The following RADIL variants were observed in gnomAD, a reference collection of about 807,000 sequenced individuals.
The protein encoded by RADIL is ras-associating and dilute domain-containing protein.
RADIL carries 99 observed loss-of-function variants against 97.6 expected under a neutral mutation model. The observed-to-expected ratio is 1.01, with a 90% confidence interval of 0.86 to 1.20. The LOEUF (loss-of-function observed/expected upper bound fraction) is 1.20. Among genes scored for constraint, RADIL ranks in the 50% most tolerant of loss-of-function variants. RADIL has a pLI of 0.00. For missense variants in RADIL, 1,765 were observed against 1,498.9 expected (o/e 1.18, Z -2.93); for synonymous variants, 803 against 691.8 (o/e 1.16, Z -2.52).
At position 4,877,996 on chromosome 7, in the gene RADIL, G is replaced by A. The variant is rs1352825474; in HGVS notation, c.144C>T (p.Ala48=). Residue 48 remains alanine (A), a synonymous_variant, in exon 2 of 15, where the codon GCC becomes GCT. Transcript: ENST00000399583. ...DLDSTFSSLG[A]SDDPAELSTQ... Reference sequence around the variant, plus strand: ...TGGAGAGCTCGGCGGGGTCATCGCTGGCGCCCAGGCTGGAGAAGGTGGAGT... The same window carrying A: ...TGGAGAGCTCGGCGGGGTCATCGCTAGCGCCCAGGCTGGAGAAGGTGGAGT... 1.2e-6 allele frequency: 2 copies of A among 1,609,150 alleles called. No homozygotes were observed. The highest frequency in any genetic ancestry group is 2.2e-5 in the South Asian group (2 of 90,802).
At position 4,803,709 on chromosome 7, in the gene RADIL, G is replaced by A; in HGVS notation, c.2336C>T (p.Pro779Leu). The part of the protein sequence containing the change: ...SYENPPPIVL[P>L]SDGFQVDLEA... ...CAAGTCCACCTGGAAGCCGTCGCTG[G>A]GCAGGACGATGGGTGGGGGGTTTTC... The change falls in exon 11 of 15, where the codon CCC (proline) becomes CTC (leucine). Residue 779 changes from proline (P) to leucine (L), a missense_variant. Coordinates refer to ENST00000399583, the MANE Select transcript of RADIL (RefSeq NM_018059.5). 1.3e-6 allele frequency: 2 copies of A among 1,568,136 alleles called. No individual in the cohort carries two copies. Among genetic ancestry groups the A allele is most frequent in the Non-Finnish European group, 1.7e-6 (2 of 1,157,208 alleles).
At position 4,874,772 on chromosome 7, in the gene RADIL, G is replaced by T. The variant is rs1335277066; in HGVS notation, c.535+2833C>A. Among the ~76,000 whole-genome samples, 4 of 149,834 alleles carry T rather than the reference G, an allele frequency of 2.7e-5. No homozygotes were observed. The East Asian group carries it at 7.7e-4, about 29-fold the overall frequency. On this transcript the variant is annotated intron_variant, in intron 2 of 14. Coordinates refer to ENST00000399583, the MANE Select transcript of RADIL (RefSeq NM_018059.5). ...GAATGATTCCAAAAGAAGTGCATGA[G>T]CTTGGCCGGGTGTGGTGGCTCACAC...
At chr7:4,801,586 G>T (rs1249623514) in intron 12 of RADIL, 67 bp downstream of exon 12, 18 of 1,484,592 alleles carry the variant, frequency 1.2e-5, no homozygotes, top group Non-Finnish European at 1.6e-5. Context: ...GATCCCAGGG[G>T]ACCGGCCATC....
rs1411404415 is a variant in RADIL, at chr7:4,837,700, C to T, written c.536-1095G>A. 2.2e-6 allele frequency: 1 copy of T among 462,746 alleles called. No homozygotes were observed. The highest frequency in any genetic ancestry group is 1.6e-4 in the East Asian group (1 of 6,440). 28.7% of individuals were successfully genotyped at this position (462,746 alleles called of 1,614,324 possible). A position where few individuals can be genotyped will look rare whatever the true frequency, so the allele number is the denominator to read the frequency against. On this transcript the variant is annotated intron_variant, in intron 2 of 14. Transcript: ENST00000399583. This position sits in a 1 kb window ranked among gnomAD's most constrained non-coding sequence, Gnocchi z 5.6. Reference sequence around the variant, plus strand: ...CCACACACATTAACACATACATGCACACAAACATGCGCACAGTTCAGAGAT... The same window carrying T: ...CCACACACATTAACACATACATGCATACAAACATGCGCACAGTTCAGAGAT...
intron 9 of RADIL, chr7:4,809,623 TCAA>T: frequency 1.0e-6 from 1 of 985,330 alleles, no homozygotes; most frequent in Non-Finnish European, 1.2e-6. Context: ...CTCCTTCAGC[TCAA>T]CCTGCCCTTT....
intron 12 of RADIL, among the ~76,000 whole-genome samples, chr7:4,801,408 T>C (rs924616187): frequency 6.6e-6 from 1 of 152,036 alleles, no homozygotes; most frequent in African/African-American, 2.4e-5. Flanking sequence ...CTAGACTCTC[T>C]CCCTCCCAGA....
chr7:4,871,255 T>C (rs76356318), intron 2 of RADIL, among the ~76,000 whole-genome samples: 1 of 152,240 alleles, frequency 6.6e-6, no homozygotes, highest in Admixed American at 6.5e-5. Flanking sequence ...TCACCTCCAC[T>C]GTGCTAAGAT....
intron 5 of RADIL, among the ~76,000 whole-genome samples, chr7:4,827,157 G>T (rs1247439527): frequency 6.6e-6 from 1 of 152,172 alleles, no homozygotes; most frequent in Non-Finnish European, 1.5e-5. Context: ...TTGAGGTCAG[G>T]AGTTCAAGAC....
chr7:4,838,768 C>A (rs1397664490), intron 2 of RADIL, among the ~76,000 whole-genome samples: 11 of 152,240 alleles, frequency 7.2e-5, no homozygotes, highest in Admixed American at 7.2e-4. Flanking sequence ...AGGCCACAAG[C>A]ATGACAGAGC....
At chr7:4,865,590 C>A in intron 2 of RADIL, 2 of 798,150 alleles carry the variant, frequency 2.5e-6, no homozygotes, top group Admixed American at 1.7e-5. Context: ...TCGGATGTCA[C>A]AGTGATCTTG....
chr7:4,842,091 G>C lies in RADIL; in HGVS notation c.536-5486C>G, dbSNP rs1379829333. Among the ~76,000 whole-genome samples, 1 of 151,900 alleles carries C rather than the reference G, an allele frequency of 6.6e-6. No individual in the cohort carries two copies. The highest frequency in any genetic ancestry group is 1.5e-5 in the Non-Finnish European group (1 of 68,008). ...AAAGATGCAACAAGGCCAGAGGCTGGAATAGCAGCGTAGGCCTCGTAAGGG... is the reference window on the plus strand; with the variant it reads ...AAAGATGCAACAAGGCCAGAGGCTGCAATAGCAGCGTAGGCCTCGTAAGGG... On this transcript the variant is annotated intron_variant, in intron 2 of 14. Coordinates refer to ENST00000399583, the MANE Select transcript of RADIL (RefSeq NM_018059.5). This position sits in a 1 kb window ranked among gnomAD's most constrained non-coding sequence, Gnocchi z 4.5.
At chr7:4,876,083 G>A (rs977634313) in intron 2 of RADIL, among the ~76,000 whole-genome samples, 3 of 152,054 alleles carry the variant, frequency 2.0e-5, no homozygotes, top group Non-Finnish European at 2.9e-5. Flanking sequence ...CAGCATCTGC[G>A]GCTCAAGCCA....
intron 9 of RADIL, among the ~76,000 whole-genome samples, chr7:4,810,550 G>C (rs766419550): frequency 1.3e-5 from 2 of 152,190 alleles, no homozygotes; most frequent in South Asian, 4.1e-4. Context: ...TCATGTTGTT[G>C]ATAAATAGAA....
At chr7:4,801,591 G>T in intron 12 of RADIL, 62 bp downstream of exon 12, 1 of 1,496,750 alleles carries the variant, frequency 6.7e-7, no homozygotes, top group Non-Finnish European at 9.0e-7. Flanking sequence ...CAGGGGACCG[G>T]CCATCAGGGT....
At chr7:4,800,385 G>A in intron 12 of RADIL, 75 bp from the exon 13 acceptor site, 3 of 1,374,286 alleles carry the variant, frequency 2.2e-6, no homozygotes, top group Non-Finnish European at 9.4e-7. Context: ...GTCCTGGCCT[G>A]GCTGCCTCTG....
chr7:4,858,361 A>G (rs1317056497), intron 2 of RADIL: 1 of 152,220 alleles, frequency 6.6e-6, no homozygotes, highest in Non-Finnish European at 1.5e-5. Context: ...TCATTCATTC[A>G]CATCTGTTGC....
At position 4,854,655 on chromosome 7, in the gene RADIL, C is replaced by T. The variant is rs1270776162; in HGVS notation, c.536-18050G>A. 1.3e-5 allele frequency among the ~76,000 whole-genome samples: 2 copies of T among 152,300 alleles called. No homozygotes were observed. The highest frequency in any genetic ancestry group is 2.1e-4 in the South Asian group (1 of 4,830). On this transcript the variant is annotated intron_variant, in intron 2 of 14. Transcript: ENST00000399583. The surrounding 1 kb of genome is among the most constrained non-coding windows in gnomAD (Gnocchi z 5.1). ...GTTGCAGTGAGCCGAGATGGCGCCACCGCACTCCACCCTGGGCGACAGAGC... is the reference window on the plus strand; with the variant it reads ...GTTGCAGTGAGCCGAGATGGCGCCATCGCACTCCACCCTGGGCGACAGAGC...
intron 2 of RADIL, among the ~76,000 whole-genome samples, chr7:4,863,008 C>T (rs757865376): frequency 2.6e-5 from 4 of 152,176 alleles, no homozygotes; most frequent in African/African-American, 9.7e-5. Context: ...TCTCCAGAAG[C>T]TTCTTGGGCA....
At position 4,840,823 on chromosome 7, in the gene RADIL, T is replaced by C. The variant is rs184118614; in HGVS notation, c.536-4218A>G. On this transcript the variant is annotated intron_variant, in intron 2 of 14. Coordinates refer to ENST00000399583, the MANE Select transcript of RADIL (RefSeq NM_018059.5). This position sits in a 1 kb window ranked among gnomAD's most constrained non-coding sequence, Gnocchi z 5.6. ...CTGTACTAAAAATACAAAACTTAGC[T>C]GGGCGTGGAGGTGGGCGCCTGTAGT... Among the ~76,000 whole-genome samples the C allele has an allele frequency of 3.7e-3, 565 of 152,090 alleles. No homozygotes were observed. The highest frequency in any genetic ancestry group is 6.6e-3 in the Non-Finnish European group (447 of 67,982).
Sources: allele counts gnomAD v4.1 joint callset (sites outside exome capture counted in the v4.1 genomes callset), GRCh38; gene constraint gnomAD v4.1.1; non-coding constraint Gnocchi (gnomAD v3.1); transcripts MANE v1.5; gene names NCBI Gene and HGNC (gene_info 2026-07-23, HGNC 2026-07-21).